Variants in PHLPP1 observed in about 807,000 individuals in gnomAD.
PHLPP1 encodes PH domain leucine-rich repeat-containing protein phosphatase 1.
Under a neutral mutation model 117.2 loss-of-function variants are expected in PHLPP1, and 42 were observed. The ratio of observed to expected loss-of-function variants is 0.36; its 90% CI spans 0.28 to 0.46. The LOEUF (loss-of-function observed/expected upper bound fraction) is 0.46, where lower values mean the gene tolerates loss of function less well. Among genes scored for constraint, PHLPP1 ranks in the 20% least tolerant of loss-of-function variants. The probability of loss-of-function intolerance (pLI) is 1.00; values close to 1 mark genes in which losing one functional copy is unlikely to be tolerated. For synonymous variants in PHLPP1, 1,042 were observed against 970.7 expected (o/e 1.07, Z -1.37); for missense variants, 2,084 against 2,241.9 (o/e 0.93, Z 1.42).
intron 3 of PHLPP1, among the ~76,000 whole-genome samples, chr18:62,859,826 A>G (rs374429437): frequency 9.8e-5 from 15 of 152,312 alleles, no homozygotes; most frequent in East Asian, 7.7e-4. Flanking sequence ...GGAATAATCT[A>G]TGTTCTTTCC....
intron 2 of PHLPP1, chr18:62,838,162 T>G (rs944796171): frequency 3.3e-5 from 5 of 152,194 alleles, no homozygotes; most frequent in African/African-American, 1.2e-4. Flanking sequence ...TCTAAGCGTT[T>G]TAAGATTTTG....
At chr18:62,814,355 T>G (rs897021425) in intron 1 of PHLPP1, among the ~76,000 whole-genome samples, 1 of 152,234 alleles carries the variant, frequency 6.6e-6, no homozygotes, top group Admixed American at 6.5e-5. Flanking sequence ...TTGCTGAGCT[T>G]CTTTTAGCTT....
chr18:62,929,484 G>A (rs1243092058), intron 10 of PHLPP1, among the ~76,000 whole-genome samples: 1 of 152,184 alleles, frequency 6.6e-6, no homozygotes. Context: ...ACAGAAAGCT[G>A]TTTGGGCGTG....
In PHLPP1 at chr18:62,716,120, C is replaced by T; in HGVS notation, c.437C>T (p.Ala146Val). ...TCCTCGTCGTCGTCGTCCTCGGCCG[C>T]TGCTGCCTCGCACTCCCCCGGCGCT... The part of the protein sequence containing the change: ...AASSSSSSSA[A>V]AASHSPGAAG... Residue 146 changes from alanine (A) to valine (V), a missense_variant, in exon 1 of 17, where the codon GCT (alanine) becomes GTT (valine). Physicochemically the swap from Ala to Val is moderately conservative, Grantham distance 64. Coordinates refer to ENST00000262719, the MANE Select transcript of PHLPP1 (RefSeq NM_194449.4). The surrounding 1 kb of genome is among the most constrained non-coding windows in gnomAD (Gnocchi z 5.7). 1 of 1,514,526 alleles carries T rather than the reference C, an allele frequency of 6.6e-7. No homozygotes were observed. The highest frequency in any genetic ancestry group is 1.4e-5 in the African/African-American group (1 of 70,128). 93.8% of individuals were successfully genotyped at this position (1,514,526 alleles called of 1,614,324 possible).
At chr18:62,938,259 A>T (rs1360939996) in intron 10 of PHLPP1, among the ~76,000 whole-genome samples, 1 of 152,182 alleles carries the variant, frequency 6.6e-6, no homozygotes, top group African/African-American at 2.4e-5. Context: ...CATCATACAG[A>T]GTTGAGACCT....
intron 1 of PHLPP1, among the ~76,000 whole-genome samples, chr18:62,817,937 C>T (rs1253737332): frequency 6.7e-6 from 1 of 148,524 alleles, no homozygotes; most frequent in Non-Finnish European, 1.5e-5. Context: ...TCACTGCAAC[C>T]TCCGCCTCCC....
chr18:62,807,261 C>T (rs1913979230), intron 1 of PHLPP1, among the ~76,000 whole-genome samples: 1 of 151,950 alleles, frequency 6.6e-6, no homozygotes, highest in African/African-American at 2.4e-5. Flanking sequence ...CAATAATAAT[C>T]GGTCTTAGTT....
At chr18:62,961,869 T>G (rs1910780402) in intron 13 of PHLPP1, among the ~76,000 whole-genome samples, 1 of 152,224 alleles carries the variant, frequency 6.6e-6, no homozygotes, top group Non-Finnish European at 1.5e-5. Context: ...AAACTTTTCT[T>G]TAACCATATA....
chr18:62,788,377 A>T (rs1201439388), intron 1 of PHLPP1, among the ~76,000 whole-genome samples: 1 of 152,166 alleles, frequency 6.6e-6, no homozygotes, highest in Non-Finnish European at 1.5e-5. Flanking sequence ...CTTGCAGTGC[A>T]TGTGTAATCT....
At chr18:62,813,985 C>T (rs944552260) in intron 1 of PHLPP1, among the ~76,000 whole-genome samples, 25 of 151,582 alleles carry the variant, frequency 1.6e-4, no homozygotes, top group African/African-American at 6.1e-4. Flanking sequence ...ATTACTTTAG[C>T]CCTATGTTTG....
intron 3 of PHLPP1, among the ~76,000 whole-genome samples, chr18:62,843,266 A>G (rs1218024091): frequency 6.6e-6 from 1 of 152,182 alleles, no homozygotes; most frequent in Non-Finnish European, 1.5e-5. Flanking sequence ...AAAGTTTCTG[A>G]TTATTAGTAA....
chr18:62,770,946 C>T (rs187994512), intron 1 of PHLPP1, among the ~76,000 whole-genome samples: 4 of 152,234 alleles, frequency 2.6e-5, no homozygotes, highest in East Asian at 1.9e-4. Context: ...GGTCTGGGCG[C>T]GGTGGCTCAC....
At chr18:62,937,927 G>T (rs1223233671) in intron 10 of PHLPP1, among the ~76,000 whole-genome samples, 3 of 152,136 alleles carry the variant, frequency 2.0e-5, no homozygotes, top group Admixed American at 6.5e-5. Context: ...TGGGAGAATT[G>T]CTTGAACCTG....
intron 1 of PHLPP1, among the ~76,000 whole-genome samples, chr18:62,759,789 T>C (rs916958996): frequency 1.1e-4 from 17 of 152,216 alleles, no homozygotes; most frequent in Non-Finnish European, 2.4e-4. Context: ...TTACCATTTA[T>C]GTATCATTTC....
intron 10 of PHLPP1, among the ~76,000 whole-genome samples, chr18:62,927,458 A>G (rs1162648642): frequency 9.2e-5 from 14 of 152,188 alleles, no homozygotes. Context: ...AAATATAGTC[A>G]AGTGAACATT....
chr18:62,948,947 C>T (rs990900544), intron 12 of PHLPP1, among the ~76,000 whole-genome samples: 1 of 152,044 alleles, frequency 6.6e-6, no homozygotes, highest in African/African-American at 2.4e-5. Context: ...TGAAAGTCTT[C>T]ATTGTAAAGT....
intron 1 of PHLPP1, among the ~76,000 whole-genome samples, chr18:62,730,029 G>A (rs1911184923): frequency 6.6e-6 from 1 of 152,214 alleles, no homozygotes; most frequent in South Asian, 2.1e-4. Context: ...GAGCAGTTTG[G>A]TAACTTGTCT....
chr18:62,948,418 T>G (rs1371327803), intron 12 of PHLPP1, among the ~76,000 whole-genome samples: 1 of 152,222 alleles, frequency 6.6e-6, no homozygotes, highest in African/African-American at 2.4e-5. Flanking sequence ...CCTAGACTCT[T>G]GCTTGGATTC....
At chr18:62,766,098 T>TATATATATATATATATATATATATAC (rs1912508645) in intron 1 of PHLPP1, among the ~76,000 whole-genome samples, 1 of 80,318 alleles carries the variant, frequency 1.2e-5, no homozygotes, top group African/African-American at 4.0e-5. Flanking sequence ...TATATATATA[T>TATATATATATATATATATATATATAC]ATATAAAATA....
Sources: allele counts gnomAD v4.1 joint callset (sites outside exome capture counted in the v4.1 genomes callset), GRCh38; gene constraint gnomAD v4.1.1; non-coding constraint Gnocchi (gnomAD v3.1); transcripts MANE v1.5; gene names NCBI Gene and HGNC (gene_info 2026-07-23, HGNC 2026-07-21).